The following SLC2A12 variants were observed in gnomAD, a reference collection of about 807,000 sequenced individuals.
The protein encoded by SLC2A12 is solute carrier family 2, facilitated glucose transporter member 12.
SLC2A12 carries 23 observed loss-of-function variants against 41.8 expected under a neutral mutation model. The observed-to-expected ratio is 0.55, with a 90% confidence interval of 0.40 to 0.78. SLC2A12 has a LOEUF of 0.78. Ranked by LOEUF, SLC2A12 falls within the 30% of genes least tolerant of loss-of-function variation. The probability of loss-of-function intolerance (pLI) is 0.00; values close to 1 mark genes in which losing one functional copy is unlikely to be tolerated. For synonymous variants in SLC2A12, 295 were observed against 285.9 expected (o/e 1.03, Z -0.32); for missense variants, 654 against 745.6 (o/e 0.88, Z 1.43).
chr6:134,036,555 G>C (rs1250896277), intron 1 of SLC2A12, among the ~76,000 whole-genome samples: 1 of 152,156 alleles, frequency 6.6e-6, no homozygotes, highest in Non-Finnish European at 1.5e-5. Context: ...TTGAAGGCAA[G>C]AACCCTGCCT....
chr6:133,987,644 GT>G lies in SLC2A12; in HGVS notation c.*3510del, dbSNP rs1562670250. ...GTATTTTGTGTGTGTGTGTGTGTGT[GT>G]GTGTATATATATATATATATATGCA... On this transcript the variant is annotated 3_prime_UTR_variant, in exon 5 of 5. Transcript: ENST00000275230. The G allele has an allele frequency of 7.8e-6, 1 of 128,680 alleles. No homozygotes were observed. The highest frequency in any genetic ancestry group is 1.7e-5 in the Non-Finnish European group (1 of 59,776). The allele number at this position is 128,680 out of a possible 1,614,324, so 8.0% of individuals were successfully genotyped here.
Position 134,001,985 on chromosome 6 carries a change from T to G in SLC2A12, c.1700+12A>C, listed in dbSNP as rs768560335. ...AGAGTATTGTTCAGAAACCAATGCA[T>G]GTAATACTTACACTTTTGCTAGCTC... On this transcript the variant is annotated intron_variant, in intron 4 of 4. Transcript: ENST00000275230. The G allele has an allele frequency of 3.2e-5, 51 of 1,608,960 alleles. No homozygotes were observed. Among genetic ancestry groups the G allele is most frequent in the Non-Finnish European group, 4.2e-5 (49 of 1,178,722 alleles).
At chr6:134,046,321 A>C (rs1328908516) in intron 1 of SLC2A12, among the ~76,000 whole-genome samples, 2 of 152,220 alleles carry the variant, frequency 1.3e-5, no homozygotes, top group Admixed American at 1.3e-4. Flanking sequence ...TAACAGTTTA[A>C]AATTAAATTA....
chr6:134,026,599 C>T (rs1408968088), intron 2 of SLC2A12, among the ~76,000 whole-genome samples: 1 of 152,146 alleles, frequency 6.6e-6, no homozygotes, highest in African/African-American at 2.4e-5. Flanking sequence ...AAATCTGTTT[C>T]CGGGAAACTG....
At chr6:133,993,287 A>G (rs1054803451) in intron 4 of SLC2A12, among the ~76,000 whole-genome samples, 1 of 152,168 alleles carries the variant, frequency 6.6e-6, no homozygotes, top group Admixed American at 6.5e-5. Flanking sequence ...AGACTTACGT[A>G]TCCAACTGCC....
chr6:133,991,671 C>T (rs960983377), intron 4 of SLC2A12, among the ~76,000 whole-genome samples: 3 of 152,192 alleles, frequency 2.0e-5, no homozygotes, highest in African/African-American at 4.8e-5. Context: ...CTATCTTCTA[C>T]GTTATCCCTT....
intron 4 of SLC2A12, among the ~76,000 whole-genome samples, chr6:133,992,236 C>T (rs779184203): frequency 1.3e-5 from 2 of 152,100 alleles, no homozygotes; most frequent in Non-Finnish European, 2.9e-5. Context: ...AGTCAGTGTA[C>T]AAATGGAAGC....
chr6:134,008,667 AT>A (rs1248663995), intron 2 of SLC2A12, among the ~76,000 whole-genome samples: 1 of 152,216 alleles, frequency 6.6e-6, no homozygotes, highest in African/African-American at 2.4e-5. Flanking sequence ...GAGTAGACTG[AT>A]ATCTGCATAA....
intron 4 of SLC2A12, among the ~76,000 whole-genome samples, chr6:133,992,306 T>TG (rs1776634678): frequency 6.6e-6 from 1 of 152,166 alleles, no homozygotes; most frequent in South Asian, 2.1e-4. Context: ...TAGAAGATCT[T>TG]GTGGCAGGAG....
intron 2 of SLC2A12, among the ~76,000 whole-genome samples, chr6:134,025,708 G>T (rs1245628102): frequency 1.3e-5 from 2 of 152,104 alleles, no homozygotes; most frequent in Non-Finnish European, 2.9e-5. Context: ...ACAATGCCTA[G>T]CTGTTTTTTG....
At chr6:134,035,074 C>T (rs7767742) in intron 1 of SLC2A12, among the ~76,000 whole-genome samples, 12,014 of 147,482 alleles carry the variant, frequency 0.081, 1,340 homozygotes, top group African/African-American at 0.25. Flanking sequence ...AATAAGATAC[C>T]CCAAAGTACG....
At chr6:134,031,052 A>T (rs1288006919) in intron 1 of SLC2A12, among the ~76,000 whole-genome samples, 1 of 152,146 alleles carries the variant, frequency 6.6e-6, no homozygotes, top group Non-Finnish European at 1.5e-5. Flanking sequence ...GTGGAACTGG[A>T]GATAAGTAGG....
intron 1 of SLC2A12, among the ~76,000 whole-genome samples, chr6:134,036,691 A>G (rs1038099424): frequency 6.6e-6 from 1 of 152,180 alleles, no homozygotes; most frequent in Non-Finnish European, 1.5e-5. Flanking sequence ...TCTACTCCCC[A>G]CAATTGTATC....
In SLC2A12 at chr6:134,028,963, A is replaced by G. The variant is rs1582616901; in HGVS notation, c.862T>C (p.Phe288Leu). ...TTTGGTTGGCCAGTGATTTGTACAA[A>G]AAATACTAGTGTTAGTCCTATCATT... is the stretch of plus-strand genomic sequence containing the variant. Reference protein sequence around the residue: ...RIMIGLTLVFFVQITGQPNIL... With the variant: ...RIMIGLTLVFLVQITGQPNIL... The change falls in exon 2 of 5, where the codon TTT becomes CTT. Residue 288 changes from phenylalanine (F) to leucine (L), a missense_variant. Coordinates refer to ENST00000275230, the MANE Select transcript of SLC2A12 (RefSeq NM_145176.3). 2.5e-6 allele frequency: 4 copies of G among 1,614,252 alleles called. No individual in the cohort carries two copies. In the African/African-American group the frequency reaches 5.3e-5, roughly 22 times the overall value.
intron 1 of SLC2A12, among the ~76,000 whole-genome samples, chr6:134,050,568 C>T (rs986300618): frequency 2.6e-5 from 4 of 152,186 alleles, no homozygotes; most frequent in Non-Finnish European, 5.9e-5. Context: ...ATTAAGAGCA[C>T]ATTGTACCTT....
chr6:134,022,544 A>AAAAGG (rs1554207281), intron 2 of SLC2A12, among the ~76,000 whole-genome samples: 1 of 24,982 alleles, frequency 4.0e-5, no homozygotes, highest in Non-Finnish European at 7.2e-5. Flanking sequence ...AAAAGAAAAG[A>AAAAGG]AAAGAAAAGA....
intron 4 of SLC2A12, among the ~76,000 whole-genome samples, chr6:133,999,298 T>C (rs191922495): frequency 6.6e-6 from 1 of 152,304 alleles, no homozygotes; most frequent in East Asian, 1.9e-4. Flanking sequence ...AGCCGTGAGC[T>C]AGGAGGCCCT....
At chr6:134,017,525 T>A (rs1443404375) in intron 2 of SLC2A12, among the ~76,000 whole-genome samples, 3 of 152,106 alleles carry the variant, frequency 2.0e-5, no homozygotes, top group African/African-American at 7.2e-5. Flanking sequence ...TTGCACAGGA[T>A]ATATAGTCTA....
At chr6:133,996,849 G>A (rs948188803) in intron 4 of SLC2A12, among the ~76,000 whole-genome samples, 5 of 152,020 alleles carry the variant, frequency 3.3e-5, no homozygotes, top group Non-Finnish European at 5.9e-5. Context: ...TTCTCTGTTG[G>A]AAACCTTGTT....
Sources: allele counts gnomAD v4.1 joint callset (sites outside exome capture counted in the v4.1 genomes callset), GRCh38; gene constraint gnomAD v4.1.1; transcripts MANE v1.5; gene names NCBI Gene and HGNC (gene_info 2026-07-23, HGNC 2026-07-21).